The following RPRD2 variants were observed in gnomAD, a reference collection of about 807,000 sequenced individuals.
RPRD2 encodes the protein regulation of nuclear pre-mRNA domain containing 2.
A neutral mutation model predicts 104.4 loss-of-function variants in RPRD2; 12 were observed. The ratio of observed to expected loss-of-function variants is 0.11; its 90% CI spans 0.07 to 0.19. The LOEUF is 0.19. Among genes scored for constraint, RPRD2 ranks in the 10% least tolerant of loss-of-function variants. The probability of loss-of-function intolerance (pLI) is 1.00; values close to 1 mark genes in which losing one functional copy is unlikely to be tolerated. For synonymous variants in RPRD2, 714 were observed against 684.9 expected, an observed-to-expected ratio of 1.04 and a Z score of -0.66; for missense variants, 1,543 against 1,790.1, an observed-to-expected ratio of 0.86 and a Z score of 2.49.
intron 1 of RPRD2, among the ~76,000 whole-genome samples, chr1:150,416,883 A>AAAAC (rs1288834202): frequency 6.3e-5 from 6 of 95,642 alleles, no homozygotes; most frequent in Non-Finnish European, 1.4e-4. Flanking sequence ...AAAAAAAAAA[A>AAAAC]AAAAAAAACA....
At position 150,446,680 on chromosome 1, in the gene RPRD2, C is replaced by T. The variant is rs587721103; in HGVS notation, c.870+279C>T. 1.7e-4 allele frequency among the ~76,000 whole-genome samples: 26 copies of T among 152,122 alleles called. No individual in the cohort carries two copies. The South Asian group carries it at 5.0e-3, about 29-fold the overall frequency. On this transcript the variant is annotated intron_variant, in intron 7 of 10. Coordinates refer to ENST00000369068, the MANE Select transcript of RPRD2 (RefSeq NM_015203.5). ...AGTACAGAAATTATCTGAGTGTGAT[C>T]TCAGGCTTCAATGAGCTGTGATCAC...
Position 150,423,134 on chromosome 1 carries a change from C to T in RPRD2, c.335+5409C>T, listed in dbSNP as rs112150600. ...TATTTGCCATTTGTGTCCTAGAGGT[C>T]CTAGCTAAGGGACAGAAATGCCAGT... On this transcript the variant is annotated intron_variant, in intron 2 of 10. Transcript: ENST00000369068. 2.8e-3 allele frequency among the ~76,000 whole-genome samples: 430 copies of T among 152,164 alleles called. 5 individuals carry two copies. Among genetic ancestry groups the T allele is most frequent in the African/African-American group, 9.6e-3 (397 of 41,504 alleles).
intron 1 of RPRD2, among the ~76,000 whole-genome samples, chr1:150,376,645 C>T (rs1553879564): frequency 3.3e-5 from 5 of 151,664 alleles, no homozygotes; most frequent in African/African-American, 9.7e-5. Flanking sequence ...GGACTACAGG[C>T]GCCCGCCACC....
intron 9 of RPRD2, among the ~76,000 whole-genome samples, chr1:150,462,781 T>C (rs765202608): frequency 2.6e-5 from 4 of 152,174 alleles, no homozygotes; most frequent in Non-Finnish European, 4.4e-5. Context: ...GGTCTCGATC[T>C]CCTGACCTCG....
chr1:150,451,310 T>C (rs1163729488), intron 7 of RPRD2, among the ~76,000 whole-genome samples: 4 of 152,128 alleles, frequency 2.6e-5, no homozygotes, highest in Middle Eastern at 3.2e-3. Flanking sequence ...CCCCTTGATA[T>C]TCTGATTAAT....
intron 1 of RPRD2, among the ~76,000 whole-genome samples, chr1:150,396,673 T>G (rs1240190925): frequency 6.6e-6 from 1 of 152,156 alleles, no homozygotes. Context: ...ACCATCATCC[T>G]TTACAGAATT....
chr1:150,444,816 G>T (rs782337006), intron 6 of RPRD2, among the ~76,000 whole-genome samples: 1 of 152,106 alleles, frequency 6.6e-6, no homozygotes, highest in African/African-American at 2.4e-5. Context: ...GCACATAATA[G>T]ATATTTGATG....
At chr1:150,429,602 A>C (rs1388261579) in intron 2 of RPRD2, among the ~76,000 whole-genome samples, 2 of 152,108 alleles carry the variant, frequency 1.3e-5, no homozygotes, top group Non-Finnish European at 2.9e-5. Context: ...CGATCCTCCC[A>C]CCTCGACCTA....
At chr1:150,417,314 C>T (rs2102275863) in intron 1 of RPRD2, among the ~76,000 whole-genome samples, 1 of 152,074 alleles carries the variant, frequency 6.6e-6, no homozygotes, top group African/African-American at 2.4e-5. Flanking sequence ...TGAACAGAAA[C>T]TTAACGTGAA....
intron 1 of RPRD2, among the ~76,000 whole-genome samples, chr1:150,401,463 G>A (rs916783308): frequency 6.6e-6 from 1 of 151,130 alleles, no homozygotes; most frequent in African/African-American, 2.4e-5. Context: ...ACTCCAGCCT[G>A]GGCAACAGAG....
In RPRD2 at chr1:150,472,515, A is replaced by C. The variant is rs778407484; in HGVS notation, c.3567A>C (p.Thr1189=). The C allele has an allele frequency of 6.2e-7, 1 of 1,613,934 alleles. No homozygotes were observed. Among genetic ancestry groups the C allele is most frequent in the Admixed American group, 1.7e-5 (1 of 60,024 alleles). The change falls in exon 11 of 11, where the codon ACA becomes ACC. Residue 1189 remains threonine, a synonymous_variant. Coordinates refer to ENST00000369068, the MANE Select transcript of RPRD2 (RefSeq NM_015203.5). ...TTCGTTCCAACAGTTTCAACTCAAC[A>C]TTTGAGCATCATCTTCCCCCATCCC... ...GSFRSNSFNS[T]FEHHLPPSPL...
At chr1:150,419,505 G>T (rs1435206573) in intron 2 of RPRD2, among the ~76,000 whole-genome samples, 1 of 152,130 alleles carries the variant, frequency 6.6e-6, no homozygotes. Context: ...GTAAATAAGT[G>T]CATAAAATAA....
intron 10 of RPRD2, among the ~76,000 whole-genome samples, chr1:150,467,791 G>A (rs962194560): frequency 2.6e-5 from 4 of 151,954 alleles, no homozygotes; most frequent in East Asian, 1.9e-4. Flanking sequence ...GTATTTCCTC[G>A]AAGACTGTTA....
intron 1 of RPRD2, among the ~76,000 whole-genome samples, chr1:150,386,475 A>G (rs1228294143): frequency 2.0e-5 from 3 of 152,168 alleles, no homozygotes; most frequent in Non-Finnish European, 2.9e-5. Context: ...TATCAATACC[A>G]TAAGTTTATG....
intron 7 of RPRD2, among the ~76,000 whole-genome samples, chr1:150,451,394 G>A (rs960969213): frequency 2.0e-5 from 3 of 152,184 alleles, no homozygotes; most frequent in African/African-American, 7.2e-5. Context: ...TGCACCCCAG[G>A]CCGGGCGCAG....
intron 1 of RPRD2, among the ~76,000 whole-genome samples, chr1:150,403,194 C>G (rs1183071170): frequency 6.6e-6 from 1 of 152,156 alleles, no homozygotes; most frequent in Non-Finnish European, 1.5e-5. Context: ...TGAATAATGT[C>G]TGCTATATTA....
Position 150,471,693 on chromosome 1 carries a change from C to T in RPRD2, c.2745C>T (p.Ala915=), listed in dbSNP as rs1461224083. The T allele has an allele frequency of 1.9e-6, 3 of 1,613,916 alleles. No individual in the cohort carries two copies. Among genetic ancestry groups the T allele is most frequent in the Non-Finnish European group, 8.5e-7 (1 of 1,179,872 alleles). ...RLSSSPGLFG[A]FSVRGNEPGS... ...CATCTTCCCCTGGGCTATTTGGTGCCTTCAGCGTAAGAGGGAATGAACCTG... is the reference window on the plus strand; with the variant it reads ...CATCTTCCCCTGGGCTATTTGGTGCTTTCAGCGTAAGAGGGAATGAACCTG... The change falls in exon 11 of 11, where the codon GCC becomes GCT. Residue 915 remains alanine (A), a synonymous_variant. Transcript: ENST00000369068. This position sits in a 1 kb window ranked among gnomAD's most constrained non-coding sequence, Gnocchi z 5.3.
rs1668650704 is a variant in RPRD2 at position 150,472,446 on chromosome 1, A to G, written c.3498A>G (p.Pro1166=). 6.2e-7 allele frequency: 1 copy of G among 1,613,950 alleles called. No individual in the cohort carries two copies. The highest frequency in any genetic ancestry group is 8.5e-7 in the Non-Finnish European group (1 of 1,179,880). Residue 1166 remains proline, a synonymous_variant, in exon 11 of 11, where the codon CCA becomes CCG. Coordinates refer to ENST00000369068, the MANE Select transcript of RPRD2 (RefSeq NM_015203.5). ...SGGLTGFKTA[P]YKERAPQFQE... is the part of the protein sequence containing the mutation. The stretch of plus-strand genomic sequence containing the variant: ...GCCTCACTGGCTTTAAAACAGCACC[A>G]TACAAGGAACGGGCACCTCAATTTC...
chr1:150,381,007 C>T (rs1230090749), intron 1 of RPRD2, among the ~76,000 whole-genome samples: 1 of 152,060 alleles, frequency 6.6e-6, no homozygotes. Context: ...TATTTATTTG[C>T]TTATTTATTG....
Sources: allele counts gnomAD v4.1 joint callset (sites outside exome capture counted in the v4.1 genomes callset), GRCh38; gene constraint gnomAD v4.1.1; non-coding constraint Gnocchi (gnomAD v3.1); transcripts MANE v1.5; gene names NCBI Gene and HGNC (gene_info 2026-07-23, HGNC 2026-07-21).